The following RNF157 variants were observed in gnomAD, a reference collection of about 807,000 sequenced individuals.
The protein encoded by RNF157 is E3 ubiquitin ligase RNF157.
A neutral mutation model predicts 88.3 loss-of-function variants in RNF157; 55 were observed. The ratio of observed to expected loss-of-function variants is 0.62; its 90% CI spans 0.50 to 0.78. The LOEUF (loss-of-function observed/expected upper bound fraction) is 0.78. Among genes scored for constraint, RNF157 ranks in the 30% least tolerant of loss-of-function variants. The pLI is 0.00. For missense variants in RNF157, 788 were observed against 860.8 expected, an observed-to-expected ratio of 0.92 and a Z score of 1.06; for synonymous variants, 334 against 341.2, an observed-to-expected ratio of 0.98 and a Z score of 0.23.
At chr17:76,187,266 C>A (rs1232307490) in intron 2 of RNF157, among the ~76,000 whole-genome samples, 1 of 151,882 alleles carries the variant, frequency 6.6e-6, no homozygotes, top group Non-Finnish European at 1.5e-5. Context: ...TCACCACAAC[C>A]TCCGCCTCCC....
intron 1 of RNF157, among the ~76,000 whole-genome samples, chr17:76,236,079 T>G (rs1243449858): frequency 6.6e-6 from 1 of 152,120 alleles, no homozygotes; most frequent in Non-Finnish European, 1.5e-5. Flanking sequence ...TATCCTTGAT[T>G]ATGTGGGTGG....
intron 2 of RNF157, among the ~76,000 whole-genome samples, chr17:76,192,899 G>A (rs1487418833): frequency 6.7e-6 from 1 of 149,282 alleles, no homozygotes; most frequent in African/African-American, 2.5e-5. Context: ...GACTGCGATG[G>A]CCATCACTGC....
intron 2 of RNF157, among the ~76,000 whole-genome samples, chr17:76,197,270 C>T (rs1175335421): frequency 6.6e-6 from 1 of 152,172 alleles, no homozygotes; most frequent in East Asian, 1.9e-4. Flanking sequence ...ACAGGAGAAA[C>T]AGTTACAGTA....
intron 2 of RNF157, chr17:76,175,851 A>G: frequency 1.1e-6 from 1 of 906,692 alleles, no homozygotes; most frequent in Non-Finnish European, 1.3e-6. Context: ...GAAAGAAAAA[A>G]AAATCCTGGC....
Position 76,195,152 on chromosome 17 carries a change from CAT to C in RNF157, c.207+17210_207+17211del, listed in dbSNP as rs2069458549. 6.6e-6 allele frequency among the ~76,000 whole-genome samples: 1 copy of C among 152,188 alleles called. No individual in the cohort carries two copies. The highest frequency in any genetic ancestry group is 6.5e-5 in the Admixed American group (1 of 15,274). ...GGGCCGAAATCCCAAATGGCAGAAA[CAT>C]ATTCATGTCACAGAACTCCAGACAG... On this transcript the variant is annotated intron_variant, in intron 2 of 18. Coordinates refer to ENST00000269391, the MANE Select transcript of RNF157 (RefSeq NM_052916.3). This position sits in a 1 kb window ranked among gnomAD's most constrained non-coding sequence, Gnocchi z 4.4.
chr17:76,233,672 T>C (rs2070233440), intron 1 of RNF157, among the ~76,000 whole-genome samples: 1 of 152,090 alleles, frequency 6.6e-6, no homozygotes, highest in Non-Finnish European at 1.5e-5. Flanking sequence ...GAGTAGCTGA[T>C]ATCATGCCAC....
intron 2 of RNF157, among the ~76,000 whole-genome samples, chr17:76,200,368 G>T (rs59307532): frequency 0.17 from 25,825 of 152,186 alleles, 5,671 homozygotes; most frequent in African/African-American, 0.51. Flanking sequence ...ACAGTGTATC[G>T]ATATAATGGC....
Position 76,162,052 on chromosome 17 carries a change from C to T in RNF157, c.793-50G>A, listed in dbSNP as rs753110987. On this transcript the variant is annotated intron_variant, in intron 9 of 18. Transcript: ENST00000269391. ...CCAATGGCACAAAGCCCTTCCTGTCCCATACTTTACTGACAAGGCAGCGTG... is the reference window on the plus strand; with the variant it reads ...CCAATGGCACAAAGCCCTTCCTGTCTCATACTTTACTGACAAGGCAGCGTG... 2.5e-6 allele frequency: 4 copies of T among 1,570,938 alleles called. No homozygotes were observed. In the African/African-American group the frequency reaches 4.1e-5, roughly 16 times the overall value.
At chr17:76,164,432 G>C (rs1460838715) in intron 8 of RNF157, 1 of 213,770 alleles carries the variant, frequency 4.7e-6, no homozygotes, top group Non-Finnish European at 9.1e-6. Flanking sequence ...CCCAATGTTG[G>C]GAAATAAATC....
At position 76,176,744 on chromosome 17, in the gene RNF157, G is replaced by A. The variant is rs749734105; in HGVS notation, c.208-2954C>T. 1.6e-4 allele frequency among the ~76,000 whole-genome samples: 24 copies of A among 152,232 alleles called. No individual in the cohort carries two copies. Among genetic ancestry groups the A allele is most frequent in the East Asian group, 3.9e-4 (2 of 5,186 alleles). On this transcript the variant is annotated intron_variant, in intron 2 of 18. Coordinates refer to ENST00000269391, the MANE Select transcript of RNF157 (RefSeq NM_052916.3). The surrounding 1 kb of genome is among the most constrained non-coding windows in gnomAD (Gnocchi z 4.2). ...GCGCGGTAGGGCAAAGAGGAGCCCC[G>A]AGGCGGAGCTGGGCCTTGGCCAGTG... is the stretch of plus-strand genomic sequence containing the variant.
Position 76,233,845 on chromosome 17 carries a change from T to G in RNF157, c.88+6308A>C, listed in dbSNP as rs55685190. 4.4e-3 allele frequency among the ~76,000 whole-genome samples: 665 copies of G among 152,296 alleles called. 4 individuals carry two copies. The highest frequency in any genetic ancestry group is 6.1e-3 in the Non-Finnish European group (418 of 68,028). Reference sequence around the variant, plus strand: ...ACCATACCCAGCCCCATTTTGAAAATAGCTTTGTGGAGATACAATTTATAT... The same window carrying G: ...ACCATACCCAGCCCCATTTTGAAAAGAGCTTTGTGGAGATACAATTTATAT... On this transcript the variant is annotated intron_variant, in intron 1 of 18. Transcript: ENST00000269391.
chr17:76,166,994 C>G lies in RNF157; in HGVS notation c.561+15G>C. The G allele has an allele frequency of 6.3e-7, 1 of 1,579,782 alleles. No homozygotes were observed. On this transcript the variant is annotated intron_variant, in intron 5 of 18. Coordinates refer to ENST00000269391, the MANE Select transcript of RNF157 (RefSeq NM_052916.3). ...TCTGAGTGGATGTGGGAAACCCTCC[C>G]CAGAGGCAGCTCACCTCCTCTTCGG...
chr17:76,186,940 A>AAAATT (rs2069301226), intron 2 of RNF157, among the ~76,000 whole-genome samples: 2 of 140,818 alleles, frequency 1.4e-5, no homozygotes, highest in Non-Finnish European at 3.0e-5. Context: ...ACTCCGACTC[A>AAAATT]AAATAAATAA....
chr17:76,226,367 C>G, intron 1 of RNF157: 1 of 1,596,564 alleles, frequency 6.3e-7, no homozygotes, highest in East Asian at 2.2e-5. Flanking sequence ...TTTTGTTAAA[C>G]TTTCTGGGAG....
At chr17:76,165,780 A>C (rs2068914179) in intron 6 of RNF157, among the ~76,000 whole-genome samples, 1 of 150,712 alleles carries the variant, frequency 6.6e-6, no homozygotes, top group Admixed American at 6.6e-5. Flanking sequence ...CGGTTCCAGC[A>C]ATTCTCCTGC....
At chr17:76,212,336 A>G in intron 2 of RNF157, 28 bp downstream of exon 2, 7 of 1,462,714 alleles carry the variant, frequency 4.8e-6, no homozygotes, top group Non-Finnish European at 6.7e-6. Flanking sequence ...TTAAGCTCCA[A>G]GTAGGAGTAA....
intron 2 of RNF157, among the ~76,000 whole-genome samples, chr17:76,182,573 A>T (rs569647151): frequency 6.6e-6 from 1 of 151,560 alleles, no homozygotes; most frequent in African/African-American, 2.4e-5. Flanking sequence ...CTGTAAAAAA[A>T]TATGGTCACA....
chr17:76,235,729 C>T (rs1214561721), intron 1 of RNF157, among the ~76,000 whole-genome samples: 1 of 151,686 alleles, frequency 6.6e-6, no homozygotes, highest in Non-Finnish European at 1.5e-5. Flanking sequence ...ACATCTATGG[C>T]TGGGTACGGT....
chr17:76,159,580 G>A lies in RNF157; in HGVS notation c.1066-7C>T, dbSNP rs377594763. On this transcript the variant is annotated splice_polypyrimidine_tract_variant and splice_region_variant and intron_variant, in intron 11 of 18. Transcript: ENST00000269391. ...GTGGAATATTCTCTGAGGACTAGGG[G>A]AATCAGAGACAGGTTGAAAAATTAA... is the stretch of plus-strand genomic sequence containing the variant. The A allele has an allele frequency of 3.0e-5, 47 of 1,569,744 alleles. No individual in the cohort carries two copies. Among genetic ancestry groups the A allele is most frequent in the Non-Finnish European group, 4.0e-5 (46 of 1,147,672 alleles).
Sources: allele counts gnomAD v4.1 joint callset (sites outside exome capture counted in the v4.1 genomes callset), GRCh38; gene constraint gnomAD v4.1.1; non-coding constraint Gnocchi (gnomAD v3.1); transcripts MANE v1.5; gene names NCBI Gene and HGNC (gene_info 2026-07-23, HGNC 2026-07-21).